WNT3: variants seen among roughly 807,000 people sequenced by gnomAD.
WNT3 encodes the protein proto-oncogene Wnt-3.
WNT3 carries 7 observed loss-of-function variants against 34.2 expected under a neutral mutation model. The ratio of observed to expected loss-of-function variants is 0.20; its 90% confidence interval spans 0.12 to 0.38. WNT3 has a LOEUF of 0.38. Among genes scored for constraint, WNT3 ranks in the 10% least tolerant of loss-of-function variants. The pLI is 1.00. For synonymous variants in WNT3, 212 were observed against 211.5 expected, an observed-to-expected ratio of 1.00 and a Z score of -0.02; for missense variants, 267 against 499.8, an observed-to-expected ratio of 0.53 and a Z score of 4.44.
chr17:46,769,943 G>A lies in WNT3; in HGVS notation c.428C>T (p.Ser143Leu), dbSNP rs374646467. Residue 143 changes from serine to leucine, a missense_variant, in exon 3 of 5, where the codon TCG (serine) becomes TTG (leucine). Transcript: ENST00000225512. ...TTCGCCAGGCGGCCCCTTATGATGC[G>A]AGTCACAGCCGCAAATGGTGGAGGT... ...EGTSTICGCDSHHKGPPGEGW... is the reference protein window; with the variant it reads ...EGTSTICGCDLHHKGPPGEGW... 8 of 1,613,078 alleles carry A rather than the reference G, an allele frequency of 5.0e-6. No individual in the cohort carries two copies. The African/African-American group carries it at 1.1e-4, about 22-fold the overall frequency.
chr17:46,779,101 A>ACACACACACACACACACACACC (rs1555683652), intron 1 of WNT3, among the ~76,000 whole-genome samples: 1 of 139,974 alleles, frequency 7.1e-6, no homozygotes, highest in Non-Finnish European at 1.5e-5. Context: ...ACACACACAC[A>ACACACACACACACACACACACC]CACCCCAGCC....
chr17:46,794,359 T>C (rs9905434), intron 1 of WNT3, among the ~76,000 whole-genome samples: 18,800 of 152,108 alleles, frequency 0.12, 1,292 homozygotes, highest in African/African-American at 0.19. Context: ...TCTATGGGGC[T>C]GAAAGAAGCC....
chr17:46,799,195 C>T (rs2084092547), intron 1 of WNT3, among the ~76,000 whole-genome samples: 1 of 152,148 alleles, frequency 6.6e-6, no homozygotes, highest in South Asian at 2.1e-4. Flanking sequence ...CTTTTGTCCA[C>T]CAAGTCACAG....
chr17:46,768,813 G>C lies in WNT3; in HGVS notation c.589-14C>G. On this transcript the variant is annotated splice_polypyrimidine_tract_variant and intron_variant, in intron 3 of 4. Coordinates refer to ENST00000225512, the MANE Select transcript of WNT3 (RefSeq NM_030753.5). The surrounding 1 kb of genome is among the most constrained non-coding windows in gnomAD (Gnocchi z 5.0). ...GTCCAGGATAGTCTGGGGGAGAGAA[G>C]TGGCAGCTGGCCAACAGACCGACCC... is the stretch of plus-strand genomic sequence containing the variant. 3.1e-6 allele frequency: 5 copies of C among 1,611,264 alleles called. No individual in the cohort carries two copies. Among genetic ancestry groups the C allele is most frequent in the Non-Finnish European group, 4.2e-6 (5 of 1,179,084 alleles).
rs2084053485 is a variant in WNT3 at position 46,796,275 on chromosome 17, G to A, written c.80+22243C>T. ...TGTCACAGTCCCTGGCACATAGTAG[G>A]TGCACAATAAATGTTGGTTGCCATT... On this transcript the variant is annotated intron_variant, in intron 1 of 4. Coordinates refer to ENST00000225512, the MANE Select transcript of WNT3 (RefSeq NM_030753.5). Among the ~76,000 whole-genome samples the A allele has an allele frequency of 2.0e-5, 3 of 152,212 alleles. No individual in the cohort carries two copies. The South Asian group carries it at 6.2e-4, about 32-fold the overall frequency.
chr17:46,780,131 C>T (rs1054171337), intron 1 of WNT3, among the ~76,000 whole-genome samples: 1 of 152,212 alleles, frequency 6.6e-6, no homozygotes, highest in South Asian at 2.1e-4. Flanking sequence ...ACTTACGCAC[C>T]TAACATATGG....
At chr17:46,770,909 G>A (rs1402593372) in intron 2 of WNT3, among the ~76,000 whole-genome samples, 1 of 152,256 alleles carries the variant, frequency 6.6e-6, no homozygotes, top group Non-Finnish European at 1.5e-5. Context: ...TGCAAGACCT[G>A]CAGCCCAACC....
intron 1 of WNT3, among the ~76,000 whole-genome samples, chr17:46,804,568 G>GTGGC (rs1458277913): frequency 2.6e-5 from 4 of 152,208 alleles, no homozygotes; most frequent in African/African-American, 9.7e-5. Flanking sequence ...AGGCAATTCT[G>GTGGC]TGGCTATAGG....
intron 1 of WNT3, among the ~76,000 whole-genome samples, chr17:46,782,611 G>T (rs1639424454): frequency 6.6e-6 from 1 of 152,256 alleles, no homozygotes; most frequent in Non-Finnish European, 1.5e-5. Flanking sequence ...AGGATTGGCA[G>T]ATGTCAGGAC....
At chr17:46,798,213 G>A (rs570615233) in intron 1 of WNT3, among the ~76,000 whole-genome samples, 1 of 152,340 alleles carries the variant, frequency 6.6e-6, no homozygotes, top group African/African-American at 2.4e-5. Context: ...ACAGGCATGA[G>A]CCACTGTGCC....
chr17:46,768,188 T>A lies in WNT3; in HGVS notation c.*8+124A>T, dbSNP rs2059331454. ...AAATCCTAGCTTCCTATTTTGGCTG[T>A]GGGAACTTGTGTGTCTTGGATAGCT... is the stretch of plus-strand genomic sequence containing the variant. On this transcript the variant is annotated intron_variant, in intron 4 of 4. Coordinates refer to ENST00000225512, the MANE Select transcript of WNT3 (RefSeq NM_030753.5). The surrounding 1 kb of genome is among the most constrained non-coding windows in gnomAD (Gnocchi z 5.0). 7.1e-7 allele frequency: 1 copy of A among 1,405,770 alleles called. No homozygotes were observed. Among genetic ancestry groups the A allele is most frequent in the Admixed American group, 2.0e-5 (1 of 48,916 alleles). The allele number at this position is 1,405,770 out of a possible 1,614,324, so 87.1% of individuals were successfully genotyped here.
At chr17:46,776,316 C>T (rs777477597) in intron 1 of WNT3, among the ~76,000 whole-genome samples, 10 of 152,218 alleles carry the variant, frequency 6.6e-5, no homozygotes, top group Admixed American at 2.0e-4. Context: ...GATGGGCACA[C>T]GGCGCACACA....
intron 2 of WNT3, among the ~76,000 whole-genome samples, chr17:46,771,755 C>T (rs1412311970): frequency 1.3e-4 from 6 of 47,736 alleles, no homozygotes; most frequent in Admixed American, 4.5e-4. Flanking sequence ...GCGGCGCCCC[C>T]CGCCCCCGCG....
chr17:46,768,731 G>C lies in WNT3; in HGVS notation c.657C>G (p.Thr219=), dbSNP rs2059336211. The change falls in exon 4 of 5, where the codon ACC becomes ACG. Residue 219 remains threonine, a synonymous_variant. Transcript: ENST00000225512. The surrounding 1 kb of genome is among the most constrained non-coding windows in gnomAD (Gnocchi z 5.0). The part of the protein sequence containing the change: ...HGLSGSCEVK[T]CWWAQPDFRA... ...GGAAGTCAGGCTGCGCCCACCAGCA[G>C]GTCTTCACCTCACAGCTGCCCGACA... 1 of 1,614,150 alleles carries C rather than the reference G, an allele frequency of 6.2e-7. No homozygotes were observed. The highest frequency in any genetic ancestry group is 1.1e-5 in the South Asian group (1 of 91,088).
rs1269467766 is a variant in WNT3, at chr17:46,770,066, G to A, written c.323-18C>T. On this transcript the variant is annotated intron_variant, in intron 2 of 4. Coordinates refer to ENST00000225512, the MANE Select transcript of WNT3 (RefSeq NM_030753.5). ...GCGGGTGGCTGCGGGGAGGTCGTGG[G>A]GAGGCAGCACTCAGGACCCGGCCTG... 2 of 1,531,840 alleles carry A rather than the reference G, an allele frequency of 1.3e-6. No homozygotes were observed. The highest frequency in any genetic ancestry group is 2.0e-5 in the Admixed American group (1 of 50,638). 94.9% of individuals were successfully genotyped at this position (1,531,840 alleles called of 1,614,324 possible).
At chr17:46,780,556 A>G (rs1467226289) in intron 1 of WNT3, among the ~76,000 whole-genome samples, 1 of 152,232 alleles carries the variant, frequency 6.6e-6, no homozygotes, top group Non-Finnish European at 1.5e-5. Flanking sequence ...TGGGAGGCCG[A>G]GGCGGGAGGA....
At position 46,818,659 on chromosome 17, in the gene WNT3, A is replaced by G. The variant is rs182089652; in HGVS notation, c.-62T>C. ...ATGAAGAGGGGGAGCGACGCCCCCA[A>G]TAGTTGGAACAAAGTCCACTTGAGA... On this transcript the variant is annotated 5_prime_UTR_variant, in exon 1 of 5. Coordinates refer to ENST00000225512, the MANE Select transcript of WNT3 (RefSeq NM_030753.5). 7.1e-5 allele frequency: 102 copies of G among 1,432,144 alleles called. No individual in the cohort carries two copies. In the African/African-American group the frequency reaches 8.7e-4, roughly 12 times the overall value. 88.7% of individuals were successfully genotyped at this position (1,432,144 alleles called of 1,614,324 possible).
rs370447900 is a variant in WNT3 at position 46,802,602 on chromosome 17, A to G, written c.80+15916T>C. Among the ~76,000 whole-genome samples, 85 of 152,088 alleles carry G rather than the reference A, an allele frequency of 5.6e-4. 1 individual carries two copies. Among genetic ancestry groups the G allele is most frequent in the East Asian group, 5.8e-4 (3 of 5,182 alleles). On this transcript the variant is annotated intron_variant, in intron 1 of 4. Coordinates refer to ENST00000225512, the MANE Select transcript of WNT3 (RefSeq NM_030753.5). ...GGGTTGGACTCCCAACCCTAACCCC[A>G]ACCCCATCCTTTGGGAAGGGGAGAG...
At position 46,768,337 on chromosome 17, in the gene WNT3, C is replaced by T. The variant is rs1265723023; in HGVS notation, c.1051G>A (p.Val351Met). 6.8e-6 allele frequency: 11 copies of T among 1,613,570 alleles called. No individual in the cohort carries two copies. Among genetic ancestry groups the T allele is most frequent in the Middle Eastern group, 1.6e-4 (1 of 6,068 alleles). Residue 351 changes from valine to methionine, a missense_variant, in exon 4 of 5, where the codon GTG becomes ATG. Coordinates refer to ENST00000225512, the MANE Select transcript of WNT3 (RefSeq NM_030753.5). This position sits in a 1 kb window ranked among gnomAD's most constrained non-coding sequence, Gnocchi z 5.0. ...CTGGTGCCCTACTTGCAGGTGTGCA[C>T]GTCGTAGATGCGAATACACTCCTGG... ...SCQECIRIYD[V>M]HTCK is the part of the protein sequence containing the mutation.
Sources: allele counts gnomAD v4.1 joint callset (sites outside exome capture counted in the v4.1 genomes callset), GRCh38; gene constraint gnomAD v4.1.1; non-coding constraint Gnocchi (gnomAD v3.1); transcripts MANE v1.5; gene names NCBI Gene and HGNC (gene_info 2026-07-23, HGNC 2026-07-21).